Variants in IL17D observed in about 807,000 individuals in gnomAD.
The protein encoded by IL17D is interleukin-17D.
A neutral mutation model predicts 5.7 loss-of-function variants in IL17D; 10 were observed. That is an observed-to-expected ratio of 1.75 (90% CI 1.08 to 2.97). The LOEUF is 2.97. Among genes scored for constraint, IL17D ranks in the 30% most tolerant of loss-of-function variants. The probability of loss-of-function intolerance (pLI) is 0.00; values close to 1 mark genes in which losing one functional copy is unlikely to be tolerated. For missense variants in IL17D, 354 were observed against 292.7 expected (o/e 1.21, Z -1.53); for synonymous variants, 172 against 141.7 (o/e 1.21, Z -1.52).
Position 20,716,392 on chromosome 13 carries a change from G to A in IL17D, c.291-5244G>A, listed in dbSNP as rs2058679559. On this transcript the variant is annotated intron_variant, in intron 1 of 1. Transcript: ENST00000682841. This position sits in a 1 kb window ranked among gnomAD's most constrained non-coding sequence, Gnocchi z 4.2. ...ATCTTTCTGGGATTTCGTTAGAATTGCACTGACTTTATAGATTAATTGGAA... is the reference window on the plus strand; with the variant it reads ...ATCTTTCTGGGATTTCGTTAGAATTACACTGACTTTATAGATTAATTGGAA... 6.6e-6 allele frequency among the ~76,000 whole-genome samples: 1 copy of A among 152,152 alleles called. No homozygotes were observed. Among genetic ancestry groups the A allele is most frequent in the South Asian group, 2.1e-4 (1 of 4,830 alleles).
At chr13:20,719,464 GC>G (rs2058714851) in intron 1 of IL17D, among the ~76,000 whole-genome samples, 1 of 150,674 alleles carries the variant, frequency 6.6e-6, no homozygotes, top group Non-Finnish European at 1.5e-5. Context: ...ACACACACCT[GC>G]CCACACACAC....
chr13:20,714,079 T>C (rs2058660823), intron 1 of IL17D: 1 of 152,274 alleles, frequency 6.6e-6, no homozygotes, highest in Non-Finnish European at 1.5e-5. Context: ...GTCGTGTTTT[T>C]CCTTTGAAGA....
chr13:20,719,516 C>T (rs1267623184), intron 1 of IL17D, among the ~76,000 whole-genome samples: 1 of 152,220 alleles, frequency 6.6e-6, no homozygotes, highest in African/African-American at 2.4e-5. Flanking sequence ...CTCATGTTCA[C>T]GGTCAAATTT....
intron 1 of IL17D, among the ~76,000 whole-genome samples, chr13:20,719,375 G>C (rs1048831465): frequency 7.9e-6 from 1 of 126,812 alleles, no homozygotes; most frequent in East Asian, 2.5e-4. Context: ...ACATGCCCAC[G>C]CTCACCCATC....
chr13:20,708,637 G>A (rs1470685852), intron 1 of IL17D, among the ~76,000 whole-genome samples: 1 of 151,854 alleles, frequency 6.6e-6, no homozygotes, highest in Admixed American at 6.6e-5. Flanking sequence ...GGGCAAACTG[G>A]GAAAAAATGT....
chr13:20,715,848 A>T (rs2058674989), intron 1 of IL17D, among the ~76,000 whole-genome samples: 1 of 151,904 alleles, frequency 6.6e-6, no homozygotes, highest in African/African-American at 2.4e-5. Flanking sequence ...GGCTCAAGGG[A>T]TCCTCCCATC....
intron 1 of IL17D, among the ~76,000 whole-genome samples, chr13:20,717,802 C>T (rs145992916): frequency 1.3e-5 from 2 of 152,160 alleles, no homozygotes; most frequent in African/African-American, 4.8e-5. Flanking sequence ...GGCATCCCAG[C>T]GGCGGGGGCA....
chr13:20,721,782 C>T lies in IL17D; in HGVS notation c.437C>T (p.Thr146Ile), dbSNP rs372060169. ...VYMPTVVLRR[T>I]PACAGGRSVY... ...ATGCCCACCGTCGTCCTGCGCCGCACCCCCGCCTGCGCCGGCGGCCGTTCC... is the reference window on the plus strand; with the variant it reads ...ATGCCCACCGTCGTCCTGCGCCGCATCCCCGCCTGCGCCGGCGGCCGTTCC... Residue 146 changes from threonine to isoleucine, a missense_variant, in exon 2 of 2, where the codon ACC (threonine) becomes ATC (isoleucine). Transcript: ENST00000682841. 2 of 1,609,494 alleles carry T rather than the reference C, an allele frequency of 1.2e-6. No individual in the cohort carries two copies. The highest frequency in any genetic ancestry group is 1.7e-6 in the Non-Finnish European group (2 of 1,179,718).
At chr13:20,711,734 T>C (rs2058639183) in intron 1 of IL17D, among the ~76,000 whole-genome samples, 1 of 152,236 alleles carries the variant, frequency 6.6e-6, no homozygotes, top group Non-Finnish European at 1.5e-5. Flanking sequence ...TACCAGAATT[T>C]CAGCAGATGA....
At chr13:20,717,051 G>T (rs1473373103) in intron 1 of IL17D, 2 of 152,244 alleles carry the variant, frequency 1.3e-5, no homozygotes, top group Non-Finnish European at 2.9e-5. Flanking sequence ...GGCCCCAGGG[G>T]CAGGGCTCTT....
rs59047970 is a variant in IL17D, at chr13:20,708,960, C to CAAAAAAAAAA, written c.290+4678_290+4687dup. 1.4e-3 allele frequency among the ~76,000 whole-genome samples: 93 copies of CAAAAAAAAAA among 65,080 alleles called. 1 individual carries two copies. Among genetic ancestry groups the CAAAAAAAAAA allele is most frequent in the Non-Finnish European group, 2.2e-3 (67 of 30,100 alleles). 42.7% of individuals were successfully genotyped at this position (65,080 alleles called of 152,430 possible). On this transcript the variant is annotated intron_variant, in intron 1 of 1. Coordinates refer to ENST00000682841, the MANE Select transcript of IL17D (RefSeq NM_001385224.1). ...TGGATGACAGAGCGAGACTCTGTCT[C>CAAAAAAAAAA]AAAAAAAAAAAAAAAAAAGAAAGAA...
upstream of IL17D, chr13:20,703,273 G>C (rs1206960075): frequency 1.4e-5 from 14 of 986,086 alleles, no homozygotes; most frequent in Non-Finnish European, 1.6e-5. Context: ...GCCCCATCTC[G>C]GCGCGAATCT....
intron 1 of IL17D, chr13:20,713,936 A>G (rs2058659580): frequency 6.6e-6 from 1 of 152,310 alleles, no homozygotes. Flanking sequence ...CAACTGACTC[A>G]CTGGCGGTCG....
chr13:20,710,573 G>A (rs963849625), intron 1 of IL17D, among the ~76,000 whole-genome samples: 1 of 139,550 alleles, frequency 7.2e-6, no homozygotes, highest in African/African-American at 2.7e-5. Context: ...AGGTTGCGGT[G>A]AGCTGAGATC....
In IL17D at chr13:20,704,098, G is replaced by C. The variant is rs1444817394; in HGVS notation, c.97G>C (p.Asp33His). ...CCCCGCGCGGCCGCGGGGCTGCGCG[G>C]ACCGGCCGGAGGAGCTACTGGAGCA... ...RRPARPRGCA[D>H]RPEELLEQLY... The change falls in exon 1 of 2, where the codon GAC becomes CAC. Residue 33 changes from aspartate (D) to histidine (H), a missense_variant. Transcript: ENST00000682841. 6.4e-6 allele frequency: 8 copies of C among 1,251,936 alleles called. No homozygotes were observed. The South Asian group carries it at 8.0e-5, about 13-fold the overall frequency. 77.6% of individuals were successfully genotyped at this position (1,251,936 alleles called of 1,614,324 possible). A position where few individuals can be genotyped will look rare whatever the true frequency, so the allele number is the denominator to read the frequency against.
At chr13:20,706,017 A>G (rs974458912) in intron 1 of IL17D, among the ~76,000 whole-genome samples, 1 of 152,158 alleles carries the variant, frequency 6.6e-6, no homozygotes, top group Non-Finnish European at 1.5e-5. Context: ...TTACTCAACA[A>G]CACACAGGAC....
chr13:20,704,751 A>G (rs1177436831), intron 1 of IL17D, among the ~76,000 whole-genome samples: 1 of 151,802 alleles, frequency 6.6e-6, no homozygotes, highest in Non-Finnish European at 1.5e-5. Flanking sequence ...TGATGTGGAC[A>G]CAGTGATGTG....
rs2058569869 is a variant in IL17D at position 20,704,260 on chromosome 13, A to C, written c.259A>C (p.Asn87His). 1 of 1,284,494 alleles carries C rather than the reference A, an allele frequency of 7.8e-7. No homozygotes were observed. The highest frequency in any genetic ancestry group is 9.8e-7 in the Non-Finnish European group (1 of 1,018,092). 79.6% of individuals were successfully genotyped at this position (1,284,494 alleles called of 1,614,324 possible). A position where few individuals can be genotyped will look rare whatever the true frequency, so the allele number is the denominator to read the frequency against. Residue 87 changes from asparagine (N) to histidine (H), a missense_variant, in exon 1 of 2, where the codon AAC (asparagine) becomes CAC (histidine). By Grantham distance (68) the Asn-to-His change is moderately conservative. Transcript: ENST00000682841. ...CGACCGCCGCTTCCGGCCGCCCACC[A>C]ACCTGCGCAGCGTGTCGCCCTGGGC... is the stretch of plus-strand genomic sequence containing the variant. ...PADRRFRPPTNLRSVSPWAYR... is the reference protein window; with the variant it reads ...PADRRFRPPTHLRSVSPWAYR...
intron 1 of IL17D, among the ~76,000 whole-genome samples, chr13:20,718,300 C>G (rs1028366473): frequency 1.3e-5 from 2 of 152,150 alleles, no homozygotes; most frequent in African/African-American, 4.8e-5. Context: ...ATGACTCCAG[C>G]CTGCTGCATG....
Sources: gnomAD v4.1 joint callset for allele counts (sites outside exome capture counted in the v4.1 genomes callset) on GRCh38, gnomAD v4.1.1 for gene constraint, Gnocchi (gnomAD v3.1) non-coding constraint, MANE v1.5 for transcripts, NCBI Gene and HGNC (gene_info 2026-07-23, HGNC 2026-07-21) for gene names.